The following LMBR1 variants were observed in gnomAD, a reference collection of about 807,000 sequenced individuals.
LMBR1 encodes limb development membrane protein 1.
A neutral mutation model predicts 73.9 loss-of-function variants in LMBR1; 52 were observed. The ratio of observed to expected loss-of-function variants is 0.70; its 90% CI spans 0.56 to 0.89. The LOEUF (loss-of-function observed/expected upper bound fraction) is 0.89. LMBR1 is among the 40% of genes least tolerant of loss of function. The pLI, the probability that LMBR1 is intolerant of heterozygous loss-of-function variation, is 0.00. For synonymous variants in LMBR1, 215 were observed against 209.4 expected, an observed-to-expected ratio of 1.03 and a Z score of -0.23; for missense variants, 539 against 579.8, an observed-to-expected ratio of 0.93 and a Z score of 0.72.
At chr7:156,834,565 TG>T in intron 2 of LMBR1, 1 of 298,660 alleles carries the variant, frequency 3.3e-6, no homozygotes, top group South Asian at 2.8e-5. Context: ...ATTGCCCCAC[TG>T]CTCTCCGGCC....
At position 156,681,330 on chromosome 7, in the gene LMBR1, T is replaced by C; in HGVS notation, c.*2748A>G. 3.0e-6 allele frequency: 1 copy of C among 337,758 alleles called. No homozygotes were observed. The highest frequency in any genetic ancestry group is 5.7e-6 in the Non-Finnish European group (1 of 175,814). The allele number at this position is 337,758 out of a possible 1,614,324, so 20.9% of individuals were successfully genotyped here. A position where few individuals can be genotyped will look rare whatever the true frequency, so the allele number is the denominator to read the frequency against. ...CGCGAGAGGCTCCGTCCATCTCTACTAACCAGCACCTTAGTGCAGCAATTT... is the reference window on the plus strand; with the variant it reads ...CGCGAGAGGCTCCGTCCATCTCTACCAACCAGCACCTTAGTGCAGCAATTT... On this transcript the variant is annotated 3_prime_UTR_variant, in exon 17 of 17. Coordinates refer to ENST00000353442, the MANE Select transcript of LMBR1 (RefSeq NM_022458.4).
intron 15 of LMBR1, among the ~76,000 whole-genome samples, chr7:156,690,313 T>C (rs1456334262): frequency 6.6e-6 from 1 of 152,222 alleles, no homozygotes; most frequent in African/African-American, 2.4e-5. Flanking sequence ...CAAGTTCTAA[T>C]AGTTTCTTCA....
chr7:156,676,002 T>C (rs1585139426), downstream of LMBR1: 3 of 857,874 alleles, frequency 3.5e-6, no homozygotes, highest in East Asian at 2.7e-5. Context: ...CCGTGGAGGC[T>C]GTGGGGGTGG....
At chr7:156,717,747 G>T (rs568902922) in intron 15 of LMBR1, among the ~76,000 whole-genome samples, 1 of 152,328 alleles carries the variant, frequency 6.6e-6, no homozygotes, top group African/African-American at 2.4e-5. Context: ...TCTCTAGGCA[G>T]CATAGGAAGT....
chr7:156,862,826 C>T (rs1440067725), intron 1 of LMBR1, among the ~76,000 whole-genome samples: 1 of 152,200 alleles, frequency 6.6e-6, no homozygotes, highest in Non-Finnish European at 1.5e-5. Context: ...AGCCTTCAAG[C>T]TGATACATCA....
intron 2 of LMBR1, chr7:156,834,486 C>T (rs1690079418): frequency 1.1e-5 from 3 of 276,650 alleles, no homozygotes; most frequent in Admixed American, 4.9e-5. Context: ...GCCTGTAGTG[C>T]AGGATACTCA....
chr7:156,748,690 T>C (rs1820283015), intron 9 of LMBR1, among the ~76,000 whole-genome samples: 1 of 152,186 alleles, frequency 6.6e-6, no homozygotes, highest in Non-Finnish European at 1.5e-5. Context: ...TGTTTCACCA[T>C]GTTGGCCAGG....
At chr7:156,761,926 G>A (rs563714658) in intron 8 of LMBR1, among the ~76,000 whole-genome samples, 6 of 144,748 alleles carry the variant, frequency 4.1e-5, no homozygotes, top group South Asian at 2.2e-4. Context: ...GCAGTGAGCC[G>A]AGATCGCACC....
intron 4 of LMBR1, among the ~76,000 whole-genome samples, chr7:156,808,981 C>A (rs1384945394): frequency 1.3e-5 from 2 of 152,220 alleles, no homozygotes; most frequent in Non-Finnish European, 2.9e-5. Flanking sequence ...CTTACTTGTA[C>A]ATCTATAATA....
chr7:156,697,794 T>C (rs751102032), intron 15 of LMBR1, among the ~76,000 whole-genome samples: 3 of 152,244 alleles, frequency 2.0e-5, no homozygotes, highest in Non-Finnish European at 4.4e-5. Context: ...TACAATCAAT[T>C]TGTACAGTTA....
In LMBR1 at chr7:156,763,804, T is replaced by G; in HGVS notation, c.424-9A>C. 1.9e-6 allele frequency: 3 copies of G among 1,579,392 alleles called. No homozygotes were observed. The South Asian group carries it at 3.6e-5, about 19-fold the overall frequency. The stretch of plus-strand genomic sequence containing the variant: ...ATGCGGGCTCGGATTCCCTGAAAAA[T>G]AGAGTAGAAATATAATTTTAGTATT... On this transcript the variant is annotated splice_polypyrimidine_tract_variant and intron_variant, in intron 5 of 16. Coordinates refer to ENST00000353442, the MANE Select transcript of LMBR1 (RefSeq NM_022458.4).
Position 156,838,096 on chromosome 7 carries a change from CT to C in LMBR1, c.67-1212del, listed in dbSNP as rs1837985864. Among the ~76,000 whole-genome samples, 3 of 151,980 alleles carry C rather than the reference CT, an allele frequency of 2.0e-5. No individual in the cohort carries two copies. The South Asian group carries it at 6.2e-4, about 32-fold the overall frequency. On this transcript the variant is annotated intron_variant, in intron 1 of 16. Coordinates refer to ENST00000353442, the MANE Select transcript of LMBR1 (RefSeq NM_022458.4). ...GGCCACTGCAACCAGCCTAATTTTG[CT>C]TTTTTAATTGACAAATAGAAGTTAT...
chr7:156,812,826 C>T (rs1337397041), intron 4 of LMBR1, among the ~76,000 whole-genome samples: 1 of 152,198 alleles, frequency 6.6e-6, no homozygotes, highest in Non-Finnish European at 1.5e-5. Flanking sequence ...CTGGTACACT[C>T]TAGCCCCCTT....
chr7:156,823,308 T>C (rs1462119343), intron 4 of LMBR1: 1 of 152,082 alleles, frequency 6.6e-6, no homozygotes, highest in Non-Finnish European at 1.5e-5. Context: ...TCACTGTTAT[T>C]AAGTTTATGG....
Position 156,722,676 on chromosome 7 carries a change from G to A in LMBR1, c.1225+1436C>T, listed in dbSNP as rs142762645. 9.1e-4 allele frequency among the ~76,000 whole-genome samples: 138 copies of A among 152,128 alleles called. 1 individual carries two copies. The East Asian group carries it at 0.02, about 22-fold the overall frequency. ...AATCCTGTTTGGACAGCTGGGTCCA[G>A]GCATTTGTTAGCTGCATTTTAATTG... On this transcript the variant is annotated intron_variant, in intron 15 of 16. Transcript: ENST00000353442.
chr7:156,757,885 C>T (rs565831049), intron 8 of LMBR1, among the ~76,000 whole-genome samples: 1 of 152,284 alleles, frequency 6.6e-6, no homozygotes, highest in African/African-American at 2.4e-5. Flanking sequence ...TCATCACTGG[C>T]ACACATACCA....
Position 156,669,047 on chromosome 7 carries a change from T to C in LMBR1, n.1107A>G, listed in dbSNP as rs1053831658. 2.6e-5 allele frequency: 4 copies of C among 152,224 alleles called. No homozygotes were observed. Among genetic ancestry groups the C allele is most frequent in the Non-Finnish European group, 5.9e-5 (4 of 68,042 alleles). The allele number at this position is 152,224 out of a possible 1,614,324, so 9.4% of individuals were successfully genotyped here. A position where few individuals can be genotyped will look rare whatever the true frequency, so the allele number is the denominator to read the frequency against. ...TATTTGGTTACATAGGGTAAGTGGATAGTAAAATATAAATTAGACTCAACT... is the reference window on the plus strand; with the variant it reads ...TATTTGGTTACATAGGGTAAGTGGACAGTAAAATATAAATTAGACTCAACT... On this transcript the variant is annotated non_coding_transcript_exon_variant, in exon 5 of 5. Coordinates refer to the LMBR1 transcript ENST00000430825. This position sits in a 1 kb window ranked among gnomAD's most constrained non-coding sequence, Gnocchi z 4.2.
rs1808932212 is a variant in LMBR1, at chr7:156,698,772, G to C, written c.1226-10581C>G. ...CTGTGATGGGAGGGGCTGCCGTAAA[G>C]GTTTCTGACATGCCCTGGAGACACT... On this transcript the variant is annotated intron_variant, in intron 15 of 16. Coordinates refer to ENST00000353442, the MANE Select transcript of LMBR1 (RefSeq NM_022458.4). Among the ~76,000 whole-genome samples the C allele has an allele frequency of 2.6e-5, 4 of 152,154 alleles. No homozygotes were observed. The South Asian group carries it at 8.3e-4, about 32-fold the overall frequency.
Position 156,892,942 on chromosome 7 carries a change from C to A in LMBR1, c.52G>T (p.Val18Leu), listed in dbSNP as rs147215221. ...SAREQHFHSQ[V>L]RESTICFLLF... ...TCCCCACGCACCGTGGACTCCCGCA[C>A]TTGGCTGTGGAAGTGCTGCTCCCGC... The change falls in exon 1 of 17, where the codon GTG becomes TTG. Residue 18 changes from valine to leucine, a missense_variant. This residue lies in a region of LMBR1 where 454 missense variants were observed against 473.4 expected (regional missense o/e 0.96). Transcript: ENST00000353442. The A allele has an allele frequency of 1.4e-4, 214 of 1,540,532 alleles. No homozygotes were observed. The highest frequency in any genetic ancestry group is 1.8e-4 in the Non-Finnish European group (206 of 1,151,234).
Sources: gnomAD v4.1 joint callset for allele counts (sites outside exome capture counted in the v4.1 genomes callset) on GRCh38, gnomAD v4.1.1 for gene constraint, gnomAD v4.1.1 regional missense constraint, Gnocchi (gnomAD v3.1) non-coding constraint, MANE v1.5 for transcripts, NCBI Gene and HGNC (gene_info 2026-07-23, HGNC 2026-07-21) for gene names.